Variants in SGIP1 observed in about 807,000 individuals in gnomAD.
SGIP1 encodes the protein SH3-containing GRB2-like protein 3-interacting protein 1.
A neutral mutation model predicts 107.5 loss-of-function variants in SGIP1; 38 were observed. That is an observed-to-expected ratio of 0.35 (90% CI 0.27 to 0.46). SGIP1 has a LOEUF of 0.46. Ranked by LOEUF, SGIP1 falls within the 20% of genes least tolerant of loss-of-function variation. The pLI is 1.00. For synonymous variants in SGIP1, 365 were observed against 366.1 expected (o/e 1.00, Z 0.03); for missense variants, 929 against 1,019.5 (o/e 0.91, Z 1.21).
At chr1:66,604,981 A>AT (rs1281035696) in intron 1 of SGIP1, among the ~76,000 whole-genome samples, 4 of 152,148 alleles carry the variant, frequency 2.6e-5, no homozygotes, top group Non-Finnish European at 4.4e-5. Flanking sequence ...AATAGTCACC[A>AT]TGTTCTCTAA....
intron 1 of SGIP1, among the ~76,000 whole-genome samples, chr1:66,616,453 T>A (rs2069340142): frequency 6.6e-6 from 1 of 152,202 alleles, no homozygotes; most frequent in African/African-American, 2.4e-5. Context: ...GGTGTCGTAC[T>A]GGGTTTTTAT....
At chr1:66,623,005 G>A (rs1398804320) in intron 1 of SGIP1, among the ~76,000 whole-genome samples, 1 of 152,090 alleles carries the variant, frequency 6.6e-6, no homozygotes, top group African/African-American at 2.4e-5. Flanking sequence ...TAAGATCCTT[G>A]ACTATTGCTG....
At chr1:66,676,834 T>A (rs1387583446) in intron 12 of SGIP1, 170 bp from the exon 13 acceptor site, 1 of 604,092 alleles carries the variant, frequency 1.7e-6, no homozygotes, top group Non-Finnish European at 2.9e-6. Context: ...CTCCTATTTC[T>A]ATTCTCTGCT....
At chr1:66,545,254 C>G (rs183391527) in intron 1 of SGIP1, among the ~76,000 whole-genome samples, 1 of 152,234 alleles carries the variant, frequency 6.6e-6, no homozygotes, top group Non-Finnish European at 1.5e-5. Context: ...TCAGCCTCAT[C>G]TCTCACTGGC....
chr1:66,679,596 C>T lies in SGIP1; in HGVS notation c.740-82C>T, dbSNP rs977341892. The T allele has an allele frequency of 7.1e-5, 101 of 1,422,170 alleles. 1 individual carries two copies. In the African/African-American group the frequency reaches 1.4e-3, roughly 20 times the overall value. The allele number at this position is 1,422,170 out of a possible 1,614,324, so 88.1% of individuals were successfully genotyped here. A position where few individuals can be genotyped will look rare whatever the true frequency, so the allele number is the denominator to read the frequency against. On this transcript the variant is annotated intron_variant, in intron 13 of 24. Coordinates refer to ENST00000371037, the MANE Select transcript of SGIP1 (RefSeq NM_032291.4). ...CCAATAGCAGGAATATAACTGAAAG[C>T]CCAAATCCTGCTTATTTAAAGTGTA... is the stretch of plus-strand genomic sequence containing the variant.
chr1:66,534,130 C>A, upstream of SGIP1: 4 of 594,904 alleles, frequency 6.7e-6, no homozygotes. Flanking sequence ...GCCAGCTTGC[C>A]GTTCCTCTCC....
At chr1:66,624,056 A>AT (rs912732877) in intron 1 of SGIP1, among the ~76,000 whole-genome samples, 6 of 152,182 alleles carry the variant, frequency 3.9e-5, no homozygotes, top group African/African-American at 1.4e-4. Context: ...AAGGCATGCT[A>AT]TTTTTTATCT....
At chr1:66,696,958 C>A (rs1439758975) in intron 18 of SGIP1, among the ~76,000 whole-genome samples, 1 of 152,196 alleles carries the variant, frequency 6.6e-6, no homozygotes, top group African/African-American at 2.4e-5. Flanking sequence ...TACCTGCATA[C>A]TTAAAGGCAC....
chr1:66,661,738 A>C (rs1369200698), intron 8 of SGIP1, among the ~76,000 whole-genome samples: 5 of 152,154 alleles, frequency 3.3e-5, no homozygotes, highest in Non-Finnish European at 7.4e-5. Context: ...TGAATTAACC[A>C]AATTTGGCCA....
At chr1:66,673,070 C>T (rs528990878) in intron 11 of SGIP1, among the ~76,000 whole-genome samples, 1 of 152,288 alleles carries the variant, frequency 6.6e-6, no homozygotes, top group East Asian at 1.9e-4. Flanking sequence ...CTAAGGATCT[C>T]ACCTTCTACC....
chr1:66,535,785 C>T (rs933364660), intron 1 of SGIP1, among the ~76,000 whole-genome samples: 7 of 152,156 alleles, frequency 4.6e-5, no homozygotes, highest in African/African-American at 1.7e-4. Flanking sequence ...CTTTGAATAA[C>T]AAGGCAAGAC....
At chr1:66,687,238 G>A (rs2088583068) in intron 15 of SGIP1, among the ~76,000 whole-genome samples, 1 of 150,748 alleles carries the variant, frequency 6.6e-6, no homozygotes, top group African/African-American at 2.4e-5. Flanking sequence ...AGACATTTTG[G>A]ACCTTTCCTA....
Position 66,750,050 on chromosome 1 carries a change from T to G in SGIP1, c.*6955T>G, listed in dbSNP as rs1193984468. ...GTGTGTGTGGGGGTGTGTGTGTGTGTGTGTGTGTGTGTGTGTGTCTCTTTC... is the reference window on the plus strand; with the variant it reads ...GTGTGTGTGGGGGTGTGTGTGTGTGGGTGTGTGTGTGTGTGTGTCTCTTTC... On this transcript the variant is annotated 3_prime_UTR_variant, in exon 25 of 25. Transcript: ENST00000371037. 6.6e-6 allele frequency among the ~76,000 whole-genome samples: 1 copy of G among 150,414 alleles called. No individual in the cohort carries two copies. The highest frequency in any genetic ancestry group is 2.5e-5 in the African/African-American group (1 of 40,130).
rs893848629 is a variant in SGIP1 at position 66,750,869 on chromosome 1, A to T, written c.*7774A>T. Among the ~76,000 whole-genome samples the T allele has an allele frequency of 6.6e-6, 1 of 152,244 alleles. No homozygotes were observed. The highest frequency in any genetic ancestry group is 1.5e-5 in the Non-Finnish European group (1 of 68,044). On this transcript the variant is annotated 3_prime_UTR_variant, in exon 25 of 25. Transcript: ENST00000371037. The stretch of plus-strand genomic sequence containing the variant: ...ACTTGTTGAAGATAATCATGAGACC[A>T]TCTTAACATTACTTGCCTTATAAGT...
At chr1:66,652,738 C>T (rs1391693382) in intron 7 of SGIP1, among the ~76,000 whole-genome samples, 2 of 151,966 alleles carry the variant, frequency 1.3e-5, no homozygotes, top group African/African-American at 2.4e-5. Context: ...TTCAGCACCC[C>T]ATTGAGTTCA....
At chr1:66,600,802 A>G (rs1410215538) in intron 1 of SGIP1, among the ~76,000 whole-genome samples, 1 of 152,194 alleles carries the variant, frequency 6.6e-6, no homozygotes, top group African/African-American at 2.4e-5. Flanking sequence ...GGGGCATGAC[A>G]TGATTAGGTT....
intron 1 of SGIP1, among the ~76,000 whole-genome samples, chr1:66,580,439 A>T (rs896617202): frequency 1.2e-4 from 19 of 152,168 alleles, no homozygotes; most frequent in Admixed American, 4.6e-4. Context: ...TTTCTTGAGC[A>T]TACCACCTAA....
At chr1:66,720,353 G>C (rs2093467093) in intron 19 of SGIP1, among the ~76,000 whole-genome samples, 1 of 152,152 alleles carries the variant, frequency 6.6e-6, no homozygotes, top group Non-Finnish European at 1.5e-5. Context: ...CAATAAAGGG[G>C]AAACCTAAGT....
At chr1:66,626,255 C>T (rs2072737604) in intron 2 of SGIP1, 1 of 167,036 alleles carries the variant, frequency 6.0e-6, no homozygotes, top group South Asian at 1.8e-4. Flanking sequence ...TAGGGTTGAC[C>T]TTACAATCTG....
Sources: allele counts gnomAD v4.1 joint callset (sites outside exome capture counted in the v4.1 genomes callset), GRCh38; gene constraint gnomAD v4.1.1; transcripts MANE v1.5; gene names NCBI Gene and HGNC (gene_info 2026-07-23, HGNC 2026-07-21).